The following PCDHA5 variants were observed in gnomAD, a reference collection of about 807,000 sequenced individuals.
The protein encoded by PCDHA5 is protocadherin alpha 5, also known as protocadherin alpha-5.
PCDHA5 carries 43 observed loss-of-function variants against 61.6 expected under a neutral mutation model. The ratio of observed to expected loss-of-function variants is 0.70; its 90% confidence interval spans 0.55 to 0.90. PCDHA5 has a LOEUF of 0.90. Ranked by LOEUF, PCDHA5 falls within the 40% of genes least tolerant of loss-of-function variation. The probability of loss-of-function intolerance (pLI) is 0.00; values close to 1 mark genes in which losing one functional copy is unlikely to be tolerated. For synonymous variants in PCDHA5, 627 were observed against 543.9 expected (o/e 1.15, Z -2.13); for missense variants, 1,298 against 1,222.7 (o/e 1.06, Z -0.92).
In PCDHA5 at chr5:140,822,188, G is replaced by C. The variant is rs2150114452; in HGVS notation, c.413G>C (p.Arg138Thr). The change falls in exon 1 of 4, where the codon AGA (arginine) becomes ACA (threonine). Residue 138 changes from arginine (R) to threonine (T), a missense_variant. Physicochemically the swap from Arg to Thr is moderately conservative, Grantham distance 71 (BLOSUM62 -1). Coordinates refer to ENST00000529859, the MANE Select transcript of PCDHA5 (RefSeq NM_018908.3). ...NPPRFSRQEQ[R>T]LFILESRMPD... ...CCCAGGTTCTCCAGACAAGAACAAA[G>C]ATTATTCATTTTAGAGTCAAGAATG... 4 of 1,614,232 alleles carry C rather than the reference G, an allele frequency of 2.5e-6. No homozygotes were observed. The highest frequency in any genetic ancestry group is 2.5e-6 in the Non-Finnish European group (3 of 1,180,038).
intron 1 of PCDHA5, among the ~76,000 whole-genome samples, chr5:140,922,302 A>G (rs2080767601): frequency 6.6e-6 from 1 of 152,222 alleles, no homozygotes; most frequent in African/African-American, 2.4e-5. Flanking sequence ...AGGAGAGGAT[A>G]CCTTTCACTG....
At chr5:140,882,346 G>T (rs146510190) in intron 1 of PCDHA5, 36 of 1,614,194 alleles carry the variant, frequency 2.2e-5, no homozygotes, top group Non-Finnish European at 2.9e-5. Flanking sequence ...CCTGGGAGAC[G>T]GGTAGTGGCC....
rs1285443769 is a variant in PCDHA5, at chr5:141,010,273, G to A, written c.*336G>A. 3.9e-6 allele frequency: 6 copies of A among 1,551,420 alleles called. No individual in the cohort carries two copies. The African/African-American group carries it at 8.2e-5, about 21-fold the overall frequency. Reference sequence around the variant, plus strand: ...CTCTGCCCTGTGCTCCGGGGATCCTGTCTTGATGACACTTGCAGGGCAGGC... The same window carrying A: ...CTCTGCCCTGTGCTCCGGGGATCCTATCTTGATGACACTTGCAGGGCAGGC... On this transcript the variant is annotated 3_prime_UTR_variant, in exon 4 of 4. Coordinates refer to ENST00000529859, the MANE Select transcript of PCDHA5 (RefSeq NM_018908.3).
intron 1 of PCDHA5, among the ~76,000 whole-genome samples, chr5:140,960,274 C>A (rs1291069063): frequency 6.6e-6 from 1 of 152,130 alleles, no homozygotes. Context: ...ATTCCGTCAC[C>A]TTTTTGGGAC....
chr5:140,943,131 G>T (rs1360196674), intron 1 of PCDHA5, among the ~76,000 whole-genome samples: 1 of 151,626 alleles, frequency 6.6e-6, no homozygotes, highest in Non-Finnish European at 1.5e-5. Flanking sequence ...GGTAGTGGGT[G>T]CCTGTAGTCC....
rs545473160 is a variant in PCDHA5 at position 140,873,172 on chromosome 5, G to C, written c.2352+49045G>C. ...CATAGACTTTAGATCGAGAGCTTTT[G>C]TATCATAATATTCATTGGCTAAAAA... On this transcript the variant is annotated intron_variant, in intron 1 of 3. Transcript: ENST00000529859. 2.6e-5 allele frequency among the ~76,000 whole-genome samples: 4 copies of C among 152,084 alleles called. No individual in the cohort carries two copies. In the South Asian group the frequency reaches 8.3e-4, roughly 32 times the overall value.
intron 3 of PCDHA5, among the ~76,000 whole-genome samples, chr5:141,007,994 T>G (rs1339008337): frequency 5.9e-5 from 9 of 152,262 alleles, no homozygotes. Flanking sequence ...GAAATGTACA[T>G]GTTAATAAAC....
At chr5:140,893,119 C>T (rs2063831505) in intron 1 of PCDHA5, among the ~76,000 whole-genome samples, 1 of 152,174 alleles carries the variant, frequency 6.6e-6, no homozygotes, top group Admixed American at 6.5e-5. Context: ...TGTGCATATA[C>T]ACCACATTTT....
At chr5:140,927,045 C>T (rs965998627) in intron 1 of PCDHA5, 8 of 1,612,136 alleles carry the variant, frequency 5.0e-6, no homozygotes, top group African/African-American at 1.3e-5. Flanking sequence ...CCGCTATGTC[C>T]TCGCGGAACT....
chr5:140,957,937 A>G (rs2095399590), intron 1 of PCDHA5, among the ~76,000 whole-genome samples: 1 of 152,112 alleles, frequency 6.6e-6, no homozygotes, highest in Admixed American at 6.5e-5. Flanking sequence ...AAATAATTTA[A>G]AGATCTTTAA....
At chr5:140,825,739 G>A (rs1335212262) in intron 1 of PCDHA5, 5 of 152,354 alleles carry the variant, frequency 3.3e-5, no homozygotes, top group Non-Finnish European at 5.9e-5. Context: ...TTATATTGAT[G>A]AGGAGTAACT....
intron 3 of PCDHA5, among the ~76,000 whole-genome samples, chr5:141,001,306 A>C (rs1554258083): frequency 6.6e-6 from 1 of 152,174 alleles, no homozygotes; most frequent in African/African-American, 2.4e-5. Context: ...CAGAGATATG[A>C]AATAATTTGC....
At chr5:140,925,545 T>C (rs2082554124) in intron 1 of PCDHA5, among the ~76,000 whole-genome samples, 1 of 151,896 alleles carries the variant, frequency 6.6e-6, no homozygotes, top group Non-Finnish European at 1.5e-5. Flanking sequence ...ATACCTAATG[T>C]AAATGACAAG....
intron 1 of PCDHA5, among the ~76,000 whole-genome samples, chr5:140,946,813 G>T (rs2094033515): frequency 6.6e-6 from 1 of 151,408 alleles, no homozygotes; most frequent in South Asian, 2.1e-4. Flanking sequence ...GTATAACAGT[G>T]ATTACCAGAG....
chr5:140,842,313 C>G, intron 1 of PCDHA5: 2 of 1,607,028 alleles, frequency 1.2e-6, no homozygotes, highest in Non-Finnish European at 1.7e-6. Context: ...CCTCCCATGG[C>G]GGGTCATTGC....
chr5:140,886,844 A>AG lies in PCDHA5; in HGVS notation c.2352+62717_2352+62718insG, dbSNP rs1203919867. Among the ~76,000 whole-genome samples, 142 of 150,728 alleles carry AG rather than the reference A, an allele frequency of 9.4e-4. 2 individuals are homozygous for AG. Among genetic ancestry groups the AG allele is most frequent in the African/African-American group, 2.8e-3 (117 of 41,122 alleles). ...TTCGTCTTGAAAAAAAAAAAAAAAAAAAAGAAAGGTCTTCCCAACTCCTAT... is the reference window on the plus strand; with the variant it reads ...TTCGTCTTGAAAAAAAAAAAAAAAAAGAAAGAAAGGTCTTCCCAACTCCTAT... On this transcript the variant is annotated intron_variant, in intron 1 of 3. Coordinates refer to ENST00000529859, the MANE Select transcript of PCDHA5 (RefSeq NM_018908.3).
In PCDHA5 at chr5:141,011,594, T is replaced by C. The variant is rs2098421156; in HGVS notation, c.*1657T>C. 6.5e-6 allele frequency: 1 copy of C among 153,764 alleles called. No homozygotes were observed. Among genetic ancestry groups the C allele is most frequent in the East Asian group, 1.9e-4 (1 of 5,202 alleles). The allele number at this position is 153,764 out of a possible 1,614,324, so 9.5% of individuals were successfully genotyped here. On this transcript the variant is annotated 3_prime_UTR_variant, in exon 4 of 4. Coordinates refer to ENST00000529859, the MANE Select transcript of PCDHA5 (RefSeq NM_018908.3). ...TTTCTTAAATCAAGATACTGGTGAT[T>C]CAAGGAATTTTATTTATGGTCCAGC...
chr5:140,980,684 G>GAA (rs782726576), intron 2 of PCDHA5, among the ~76,000 whole-genome samples: 2 of 145,064 alleles, frequency 1.4e-5, no homozygotes, highest in African/African-American at 5.1e-5. Context: ...TTTTCAAATT[G>GAA]AAAAAAAAAA....
intron 1 of PCDHA5, chr5:140,927,184 G>A (rs781951426): frequency 1.2e-6 from 2 of 1,614,160 alleles, no homozygotes; most frequent in South Asian, 1.1e-5. Context: ...CTTGACCTAC[G>A]ACCTGGTGCT....
Sources: allele counts gnomAD v4.1 joint callset (sites outside exome capture counted in the v4.1 genomes callset), GRCh38; gene constraint gnomAD v4.1.1; transcripts MANE v1.5; gene names NCBI Gene and HGNC (gene_info 2026-07-23, HGNC 2026-07-21).